Variants in HCRTR2 observed in about 807,000 individuals in gnomAD.
HCRTR2 encodes the protein orexin receptor type 2.
Under a neutral mutation model 49.0 loss-of-function variants are expected in HCRTR2, and 22 were observed. The observed-to-expected ratio is 0.45, with a 90% confidence interval of 0.32 to 0.64. The LOEUF is 0.64. HCRTR2 is among the 30% of genes least tolerant of loss of function. The pLI is 0.04. For missense variants in HCRTR2, 491 were observed against 559.4 expected, an observed-to-expected ratio of 0.88 and a Z score of 1.23; for synonymous variants, 236 against 205.3, an observed-to-expected ratio of 1.15 and a Z score of -1.28.
chr6:55,141,855 A>G (rs1397524188), intron 1 of HCRTR2, among the ~76,000 whole-genome samples: 1 of 152,204 alleles, frequency 6.6e-6, no homozygotes, highest in Non-Finnish European at 1.5e-5. Flanking sequence ...TGTACAAAGG[A>G]ATTATTGCTA....
intron 1 of HCRTR2, among the ~76,000 whole-genome samples, chr6:55,108,201 G>A (rs548838987): frequency 6.6e-6 from 1 of 151,990 alleles, no homozygotes; most frequent in African/African-American, 2.4e-5. Context: ...TGCTTCATAA[G>A]GAGATAAACT....
intron 1 of HCRTR2, among the ~76,000 whole-genome samples, chr6:55,148,652 G>A (rs574165074): frequency 5.3e-5 from 8 of 152,078 alleles, no homozygotes; most frequent in Non-Finnish European, 1.2e-4. Flanking sequence ...TTAGTTAATG[G>A]GAGTATCTTA....
At chr6:55,284,536 C>T (rs1767250542), downstream of HCRTR2, among the ~76,000 whole-genome samples, 1 of 152,116 alleles carries the variant, frequency 6.6e-6, no homozygotes, top group Admixed American at 6.5e-5. Flanking sequence ...AGTTTATCTG[C>T]CTGTGTGAAA....
At chr6:55,280,888 G>T (rs1166015430) in intron 6 of HCRTR2, among the ~76,000 whole-genome samples, 1 of 151,848 alleles carries the variant, frequency 6.6e-6, no homozygotes, top group East Asian at 1.9e-4. Context: ...TCATCTCTTG[G>T]ATTTATCTCA....
chr6:55,226,334 A>G (rs1280152387), intron 1 of HCRTR2, among the ~76,000 whole-genome samples: 2 of 152,192 alleles, frequency 1.3e-5, no homozygotes, highest in Non-Finnish European at 2.9e-5. Context: ...TTTGAGACAA[A>G]GTCTCACTCT....
At chr6:55,270,249 A>G (rs1766948014) in intron 4 of HCRTR2, among the ~76,000 whole-genome samples, 1 of 152,230 alleles carries the variant, frequency 6.6e-6, no homozygotes, top group Non-Finnish European at 1.5e-5. Context: ...TAGTCTGTTA[A>G]TCAAATCAAT....
At chr6:55,209,294 T>A (rs1313175070) in intron 1 of HCRTR2, among the ~76,000 whole-genome samples, 2 of 152,116 alleles carry the variant, frequency 1.3e-5, no homozygotes, top group Non-Finnish European at 2.9e-5. Flanking sequence ...TCAGGAAAAA[T>A]TAATTAGAAA....
intron 1 of HCRTR2, among the ~76,000 whole-genome samples, chr6:55,226,467 C>T (rs918341168): frequency 1.3e-5 from 2 of 152,114 alleles, no homozygotes; most frequent in East Asian, 3.9e-4. Context: ...CACCACCACG[C>T]CTGGCTAATT....
chr6:55,271,246 A>G (rs112343546), intron 4 of HCRTR2, among the ~76,000 whole-genome samples: 2,232 of 152,304 alleles, frequency 0.015, 51 homozygotes, highest in African/African-American at 0.049. Context: ...ACTCATATTT[A>G]TGATTAATTG....
chr6:55,207,851 A>G (rs1166929579), intron 1 of HCRTR2, among the ~76,000 whole-genome samples: 3 of 152,212 alleles, frequency 2.0e-5, no homozygotes, highest in Non-Finnish European at 2.9e-5. Flanking sequence ...GGCAAGCAAC[A>G]AACTACTTCT....
chr6:55,245,379 A>ATATATATG (rs1581853524), intron 1 of HCRTR2, among the ~76,000 whole-genome samples: 1 of 143,974 alleles, frequency 6.9e-6, no homozygotes, highest in East Asian at 2.0e-4. Flanking sequence ...GTGTATATAT[A>ATATATATG]TATATATGTA....
intron 1 of HCRTR2, among the ~76,000 whole-genome samples, chr6:55,116,650 C>A (rs1258514989): frequency 6.8e-6 from 1 of 147,080 alleles, no homozygotes; most frequent in African/African-American, 2.5e-5. Flanking sequence ...TAGACCTGGA[C>A]ATCTGCTTCC....
At chr6:55,223,971 T>A (rs1461980856) in intron 1 of HCRTR2, among the ~76,000 whole-genome samples, 1 of 152,184 alleles carries the variant, frequency 6.6e-6, no homozygotes, top group Non-Finnish European at 1.5e-5. Flanking sequence ...AATGTGTATT[T>A]CTACATGGGT....
At chr6:55,131,721 T>C (rs917838216) in intron 1 of HCRTR2, among the ~76,000 whole-genome samples, 2 of 151,818 alleles carry the variant, frequency 1.3e-5, no homozygotes, top group African/African-American at 4.8e-5. Flanking sequence ...AGAATAGAAT[T>C]AATCTCATGA....
At chr6:55,212,505 A>T (rs1343991139) in intron 1 of HCRTR2, among the ~76,000 whole-genome samples, 1 of 152,172 alleles carries the variant, frequency 6.6e-6, no homozygotes, top group African/African-American at 2.4e-5. Context: ...CATCTAAGAA[A>T]GATTTTGCTT....
intron 1 of HCRTR2, among the ~76,000 whole-genome samples, chr6:55,201,356 G>T (rs1424929887): frequency 6.6e-6 from 1 of 151,964 alleles, no homozygotes. Flanking sequence ...TTCTCTGCTT[G>T]TGTTAAGTCA....
intron 1 of HCRTR2, among the ~76,000 whole-genome samples, chr6:55,177,873 A>G (rs1213991172): frequency 6.6e-6 from 1 of 152,160 alleles, no homozygotes; most frequent in Non-Finnish European, 1.5e-5. Context: ...ATAGAATGTT[A>G]TGAGTATTTA....
chr6:55,236,872 T>C (rs1277277245), intron 1 of HCRTR2, among the ~76,000 whole-genome samples: 2 of 152,146 alleles, frequency 1.3e-5, no homozygotes, highest in East Asian at 3.8e-4. Context: ...GATAATGTAT[T>C]TGCCTTGCCA....
chr6:55,114,332 AAACAACACAAAATAG>A (rs1764088918), intron 1 of HCRTR2, among the ~76,000 whole-genome samples: 1 of 151,880 alleles, frequency 6.6e-6, no homozygotes, highest in Admixed American at 6.6e-5. Context: ...TCTACACACA[AAACAACACAAAATAG>A]AACAAACAAC....
Sources: allele counts gnomAD v4.1 joint callset (sites outside exome capture counted in the v4.1 genomes callset), GRCh38; gene constraint gnomAD v4.1.1; transcripts MANE v1.5; gene names NCBI Gene and HGNC (gene_info 2026-07-23, HGNC 2026-07-21).